PCDHGA12: variants seen among roughly 807,000 people sequenced by gnomAD.
The protein encoded by PCDHGA12 is protocadherin gamma subfamily A, 12.
A neutral mutation model predicts 61.1 loss-of-function variants in PCDHGA12; 43 were observed. The observed-to-expected ratio is 0.70, with a 90% confidence interval of 0.55 to 0.91. The LOEUF (loss-of-function observed/expected upper bound fraction) is 0.91. PCDHGA12 is among the 40% of genes least tolerant of loss of function. The pLI is 0.00. For missense variants in PCDHGA12, 1,236 were observed against 1,227.7 expected (o/e 1.01, Z -0.10); for synonymous variants, 520 against 542.9 (o/e 0.96, Z 0.59).
At chr5:141,454,019 A>G (rs905033407) in intron 1 of PCDHGA12, among the ~76,000 whole-genome samples, 1 of 152,262 alleles carries the variant, frequency 6.6e-6, no homozygotes, top group African/African-American at 2.4e-5. Flanking sequence ...AGAAAAATGT[A>G]TTAAGAATTG....
chr5:141,496,306 C>T (rs1380057886), intron 2 of PCDHGA12, among the ~76,000 whole-genome samples: 1 of 152,202 alleles, frequency 6.6e-6, no homozygotes, highest in South Asian at 2.1e-4. Flanking sequence ...ATAGGCTCTG[C>T]GCCAGGCCTC....
At chr5:141,453,029 A>G (rs1014709934) in intron 1 of PCDHGA12, among the ~76,000 whole-genome samples, 1 of 152,206 alleles carries the variant, frequency 6.6e-6, no homozygotes, top group Non-Finnish European at 1.5e-5. Context: ...TCATTAAAAT[A>G]AAGTTTGTTT....
intron 1 of PCDHGA12, among the ~76,000 whole-genome samples, chr5:141,473,757 T>C (rs993403397): frequency 6.6e-6 from 1 of 152,240 alleles, no homozygotes; most frequent in Non-Finnish European, 1.5e-5. Context: ...TTGGATACTA[T>C]GCAAAGGATT....
Position 141,505,383 on chromosome 5 carries a change from C to T in PCDHGA12, c.2484-10C>T, listed in dbSNP as rs369765886. On this transcript the variant is annotated splice_polypyrimidine_tract_variant and intron_variant, in intron 2 of 3. Coordinates refer to ENST00000252085, the MANE Select transcript of PCDHGA12 (RefSeq NM_003735.3). Reference sequence around the variant, plus strand: ...GGGAGTCTGTGCTCACCATCCTACTCTCTCCCCAGCTCCCAAAATGGCGAT... The same window carrying T: ...GGGAGTCTGTGCTCACCATCCTACTTTCTCCCCAGCTCCCAAAATGGCGAT... The T allele has an allele frequency of 1.2e-6, 2 of 1,613,944 alleles. No individual in the cohort carries two copies. Among genetic ancestry groups the T allele is most frequent in the African/African-American group, 2.7e-5 (2 of 74,914 alleles).
intron 1 of PCDHGA12, among the ~76,000 whole-genome samples, chr5:141,464,689 TATTATGA>T (rs1378742227): frequency 4.6e-5 from 7 of 152,182 alleles, no homozygotes; most frequent in Admixed American, 2.6e-4. Context: ...AAATTTCTCT[TATTATGA>T]ATGAGGTTAA....
intron 1 of PCDHGA12, among the ~76,000 whole-genome samples, chr5:141,438,211 A>G (rs767576436): frequency 7.8e-4 from 119 of 152,308 alleles, no homozygotes; most frequent in Admixed American, 2.3e-3. Context: ...CCATATGGGA[A>G]GGGCTCTGGT....
intron 1 of PCDHGA12, among the ~76,000 whole-genome samples, chr5:141,488,238 C>G (rs374846692): frequency 6.6e-6 from 1 of 152,154 alleles, no homozygotes; most frequent in African/African-American, 2.4e-5. Context: ...GAACTAGATG[C>G]GGTAAATTGG....
chr5:141,491,709 C>T lies in PCDHGA12; in HGVS notation c.2425-3098C>T, dbSNP rs2099725685. On this transcript the variant is annotated intron_variant, in intron 1 of 3. Coordinates refer to ENST00000252085, the MANE Select transcript of PCDHGA12 (RefSeq NM_003735.3). The surrounding 1 kb of genome is among the most constrained non-coding windows in gnomAD (Gnocchi z 6.9). The stretch of plus-strand genomic sequence containing the variant: ...TGCGGGAGCGGAGCCAGGTGAGGGG[C>T]TCGGCGCCGCCCCGGGCGACCCCTG... 6.2e-7 allele frequency: 1 copy of T among 1,610,156 alleles called. No homozygotes were observed. Among genetic ancestry groups the T allele is most frequent in the Non-Finnish European group, 8.5e-7 (1 of 1,178,376 alleles).
chr5:141,452,449 T>G (rs1482580788), intron 1 of PCDHGA12, among the ~76,000 whole-genome samples: 1 of 152,224 alleles, frequency 6.6e-6, no homozygotes, highest in South Asian at 2.1e-4. Flanking sequence ...TTCTAGGCCT[T>G]GTCAGCAGAC....
At position 141,490,558 on chromosome 5, in the gene PCDHGA12, A is replaced by G. The variant is rs765890709; in HGVS notation, c.2425-4249A>G. 3.1e-5 allele frequency: 50 copies of G among 1,614,042 alleles called. No individual in the cohort carries two copies. The East Asian group carries it at 1.0e-3, about 34-fold the overall frequency. ...ACCTTCCCTACACAAACATCTCACC[A>G]TCAGGCTCAACATTTCAGATGTCAA... On this transcript the variant is annotated intron_variant, in intron 1 of 3. Transcript: ENST00000252085. This position sits in a 1 kb window ranked among gnomAD's most constrained non-coding sequence, Gnocchi z 5.4.
At chr5:141,479,685 G>C (rs749895405) in intron 1 of PCDHGA12, 2 of 152,130 alleles carry the variant, frequency 1.3e-5, no homozygotes, top group Non-Finnish European at 2.9e-5. Context: ...AGTCTTTTTG[G>C]TGCCTCCAGT....
At chr5:141,459,984 A>G (rs906041823) in intron 1 of PCDHGA12, among the ~76,000 whole-genome samples, 4 of 152,216 alleles carry the variant, frequency 2.6e-5, no homozygotes, top group Non-Finnish European at 5.9e-5. Flanking sequence ...AGGCTGAGAC[A>G]GGAGAATCGC....
intron 2 of PCDHGA12, among the ~76,000 whole-genome samples, chr5:141,498,872 G>T (rs912789877): frequency 1.4e-4 from 21 of 151,650 alleles, no homozygotes; most frequent in Non-Finnish European, 2.9e-4. Flanking sequence ...GGCGGAGGTT[G>T]CAGTGAGCTG....
In PCDHGA12 at chr5:141,454,516, C is replaced by T. The variant is rs375583922; in HGVS notation, c.2424+21333C>T. On this transcript the variant is annotated intron_variant, in intron 1 of 3. Coordinates refer to ENST00000252085, the MANE Select transcript of PCDHGA12 (RefSeq NM_003735.3). Reference sequence around the variant, plus strand: ...CCACCTCCTGGATTCAGGCAGTTCTCCTGCCTCAGCCTCCCAAGTAGCTGA... The same window carrying T: ...CCACCTCCTGGATTCAGGCAGTTCTTCTGCCTCAGCCTCCCAAGTAGCTGA... Among the ~76,000 whole-genome samples the T allele has an allele frequency of 1.2e-4, 18 of 152,288 alleles. No individual in the cohort carries two copies. In the East Asian group the frequency reaches 3.1e-3, roughly 26 times the overall value.
chr5:141,495,873 C>G (rs2099764359), intron 2 of PCDHGA12, among the ~76,000 whole-genome samples: 1 of 152,146 alleles, frequency 6.6e-6, no homozygotes, highest in Admixed American at 6.6e-5. Flanking sequence ...CTGCTTTCCT[C>G]TCTGTTCTTT....
chr5:141,443,385 T>G (rs2098386152), intron 1 of PCDHGA12, among the ~76,000 whole-genome samples: 2 of 151,940 alleles, frequency 1.3e-5, no homozygotes, highest in African/African-American at 4.8e-5. Flanking sequence ...CTTGGGAGGC[T>G]GAGGTGTGAG....
chr5:141,461,648 A>G (rs910827619), intron 1 of PCDHGA12, among the ~76,000 whole-genome samples: 2 of 152,070 alleles, frequency 1.3e-5, no homozygotes, highest in South Asian at 2.1e-4. Context: ...TCTTTGACCC[A>G]TGGATTATTT....
At chr5:141,456,099 G>A (rs1428094221) in intron 1 of PCDHGA12, among the ~76,000 whole-genome samples, 5 of 151,980 alleles carry the variant, frequency 3.3e-5, no homozygotes, top group East Asian at 1.9e-4. Flanking sequence ...GGATTTCACC[G>A]TGTTAGCCAG....
chr5:141,474,325 C>A (rs540113771), intron 1 of PCDHGA12, among the ~76,000 whole-genome samples: 1 of 152,256 alleles, frequency 6.6e-6, no homozygotes, highest in Admixed American at 6.5e-5. Context: ...TTTCAAATCA[C>A]CCTGATGTTT....
Sources: allele counts gnomAD v4.1 joint callset (sites outside exome capture counted in the v4.1 genomes callset), GRCh38; gene constraint gnomAD v4.1.1; non-coding constraint Gnocchi (gnomAD v3.1); transcripts MANE v1.5; gene names NCBI Gene and HGNC (gene_info 2026-07-23, HGNC 2026-07-21).